Variants in GLT8D1 observed in about 807,000 individuals in gnomAD.
The protein encoded by GLT8D1 is glycosyltransferase 8 domain containing 1.
A neutral mutation model predicts 46.2 loss-of-function variants in GLT8D1; 41 were observed. The observed-to-expected ratio is 0.89, with a 90% CI of 0.69 to 1.15. The LOEUF (loss-of-function observed/expected upper bound fraction) is 1.15, where lower values mean the gene tolerates loss of function less well. GLT8D1 is among the 50% of genes most tolerant of loss of function. GLT8D1 has a pLI of 0.00. For synonymous variants in GLT8D1, 150 were observed against 154.2 expected, an observed-to-expected ratio of 0.97 and a Z score of 0.20; for missense variants, 408 against 449.3, an observed-to-expected ratio of 0.91 and a Z score of 0.83.
chr3:52,696,820 G>A (rs2097334194), intron 4 of GLT8D1, among the ~76,000 whole-genome samples, 161 bp from the exon 5 acceptor site: 1 of 129,490 alleles, frequency 7.7e-6, no homozygotes, highest in African/African-American at 3.0e-5. Context: ...TCCCACCAAA[G>A]TCCCTCCCTG....
intron 8 of GLT8D1, 48 bp downstream of exon 8, chr3:52,695,373 G>T (rs1333373708): frequency 6.3e-7 from 1 of 1,586,806 alleles, no homozygotes; most frequent in East Asian, 2.2e-5. Flanking sequence ...AAGACTCTAG[G>T]AATTGAAATA....
intron 1 of GLT8D1, 165 bp from the exon 2 acceptor site, chr3:52,700,661 G>A (rs1002542265): frequency 8.7e-6 from 4 of 458,938 alleles, no homozygotes; most frequent in East Asian, 3.1e-5. Flanking sequence ...ACCCAATTTG[G>A]GATCTGAAAT....
intron 5 of GLT8D1, 68 bp from the exon 6 acceptor site, chr3:52,696,386 C>G (rs1417464087): frequency 8.4e-7 from 1 of 1,185,264 alleles, no homozygotes. Context: ...ACAGAAACTC[C>G]TAGGATGCTT....
At chr3:52,696,100 CCCA>C in intron 6 of GLT8D1, 60 bp from the exon 7 acceptor site, 1 of 1,190,764 alleles carries the variant, frequency 8.4e-7, no homozygotes, top group Admixed American at 1.7e-5. Flanking sequence ...CCCTGTTACT[CCCA>C]CTTCTCCCTA....
At chr3:52,702,690 ACCATCCCCCAACC>A (rs2097340324) in intron 1 of GLT8D1, among the ~76,000 whole-genome samples, 2 of 152,108 alleles carry the variant, frequency 1.3e-5, no homozygotes, top group East Asian at 3.9e-4. Flanking sequence ...ACATAGTATG[ACCATCCCCCAACC>A]CCATATCTAA....
chr3:52,701,608 C>T (rs2097339476), intron 1 of GLT8D1, among the ~76,000 whole-genome samples: 1 of 152,156 alleles, frequency 6.6e-6, no homozygotes, highest in Admixed American at 6.6e-5. Context: ...ACTTCGTGAT[C>T]TGCCCACCTC....
chr3:52,695,974 C>G lies in GLT8D1; in HGVS notation c.599G>C (p.Cys200Ser). ...GACAACTTTAGTAGAGGCTGAATCA[C>G]AATCTTCTGAAAATGCAGCTGCATG... Reference protein sequence around the residue: ...PGHAAAFSEDCDSASTKVVIR... With the variant: ...PGHAAAFSEDSDSASTKVVIR... Residue 200 changes from cysteine (C) to serine (S), a missense_variant, in exon 7 of 10, where the codon TGT (cysteine) becomes TCT (serine). Cys to Ser is a moderately radical substitution (Grantham distance 112, BLOSUM62 -1). Transcript: ENST00000266014. 6.2e-7 allele frequency: 1 copy of G among 1,613,138 alleles called. No homozygotes were observed. The highest frequency in any genetic ancestry group is 8.5e-7 in the Non-Finnish European group (1 of 1,179,086).
chr3:52,695,819 G>T, intron 7 of GLT8D1, 109 bp downstream of exon 7: 1 of 698,466 alleles, frequency 1.4e-6, no homozygotes, highest in Non-Finnish European at 2.5e-6. Flanking sequence ...TTGAGTTTTG[G>T]GATGAAATGA....
At position 52,705,690 on chromosome 3, in the gene GLT8D1, C is replaced by G. The variant is rs1250809413; in HGVS notation, c.-280G>C. On this transcript the variant is annotated 5_prime_UTR_variant, in exon 1 of 10. Transcript: ENST00000266014. The stretch of plus-strand genomic sequence containing the variant: ...CGCCCGCGTTCCCTGCACGCTGGGC[C>G]GAGCACACTTGCCCTCTAGCTCCGT... 8.0e-6 allele frequency: 3 copies of G among 374,100 alleles called. No individual in the cohort carries two copies. Among genetic ancestry groups the G allele is most frequent in the Non-Finnish European group, 1.2e-5 (3 of 250,318 alleles). The allele number at this position is 374,100 out of a possible 1,614,324, so 23.2% of individuals were successfully genotyped here.
Position 52,695,244 on chromosome 3 carries a change from C to T in GLT8D1, c.871G>A (p.Val291Ile), listed in dbSNP as rs1391762573. The change falls in exon 9 of 10, where the codon GTA becomes ATA. Residue 291 changes from valine to isoleucine, a missense_variant. By Grantham distance (29) the Val-to-Ile change is conservative. Transcript: ENST00000266014. ...ATGGTAGAGTGCTGTTGATAAAATACGATAAGCAGAGGAGGTGTTGTGATG... is the reference window on the plus strand; with the variant it reads ...ATGGTAGAGTGCTGTTGATAAAATATGATAAGCAGAGGAGGTGTTGTGATG... Reference protein sequence around the residue: ...GSITTPPLLIVFYQQHSTIDP... With the variant: ...GSITTPPLLIIFYQQHSTIDP... 4 of 1,613,710 alleles carry T rather than the reference C, an allele frequency of 2.5e-6. No homozygotes were observed. Among genetic ancestry groups the T allele is most frequent in the African/African-American group, 1.3e-5 (1 of 74,844 alleles).
chr3:52,696,056 T>C lies in GLT8D1; in HGVS notation c.533-16A>G, dbSNP rs760439503. On this transcript the variant is annotated splice_polypyrimidine_tract_variant and intron_variant, in intron 6 of 9. Coordinates refer to ENST00000266014, the MANE Select transcript of GLT8D1 (RefSeq NM_018446.4). ...AGAATATCACCTGAAATAGACAAGA[T>C]GTTAAGATTTACATTTCCGTTGCCT... The C allele has an allele frequency of 9.3e-6, 14 of 1,499,168 alleles. No homozygotes were observed. The highest frequency in any genetic ancestry group is 1.4e-5 in the African/African-American group (1 of 72,650). 92.9% of individuals were successfully genotyped at this position (1,499,168 alleles called of 1,614,324 possible).
intron 1 of GLT8D1, among the ~76,000 whole-genome samples, chr3:52,701,038 C>A (rs2097338908): frequency 1.3e-5 from 2 of 152,136 alleles, no homozygotes; most frequent in Admixed American, 6.5e-5. Flanking sequence ...GCACTCCAGC[C>A]TGGGCGACAG....
In GLT8D1 at chr3:52,695,803, G is replaced by A. The variant is rs2097332710; in HGVS notation, c.645+125C>T. On this transcript the variant is annotated intron_variant, in intron 7 of 9. Transcript: ENST00000266014. ...AGTCCATGAAGAAGTCTACAGAAAA[G>A]CAGGCTTGAGTTTTGGGATGAAATG... 6.1e-5 allele frequency: 41 copies of A among 668,786 alleles called. No individual in the cohort carries two copies. In the South Asian group the frequency reaches 7.6e-4, roughly 12 times the overall value. 41.4% of individuals were successfully genotyped at this position (668,786 alleles called of 1,614,324 possible).
chr3:52,702,498 T>G (rs909464971), intron 1 of GLT8D1, among the ~76,000 whole-genome samples: 1 of 152,032 alleles, frequency 6.6e-6, no homozygotes, highest in Non-Finnish European at 1.5e-5. Context: ...GTAAGCCATA[T>G]TCATGCCACT....
intron 4 of GLT8D1, 107 bp downstream of exon 4, chr3:52,697,611 ATTT>A: frequency 3.8e-6 from 3 of 786,506 alleles, no homozygotes; most frequent in Non-Finnish European, 6.7e-6. Flanking sequence ...CACTGGTACA[ATTT>A]CAATTGTATA....
In GLT8D1 at chr3:52,696,343, A is replaced by C. The variant is rs774740457; in HGVS notation, c.448-25T>G. 5.5e-6 allele frequency: 8 copies of C among 1,465,248 alleles called. No homozygotes were observed. The African/African-American group carries it at 1.1e-4, about 20-fold the overall frequency. The allele number at this position is 1,465,248 out of a possible 1,614,324, so 90.8% of individuals were successfully genotyped here. A position where few individuals can be genotyped will look rare whatever the true frequency, so the allele number is the denominator to read the frequency against. On this transcript the variant is annotated intron_variant, in intron 5 of 9. Coordinates refer to ENST00000266014, the MANE Select transcript of GLT8D1 (RefSeq NM_018446.4). ...ACTGGAAAAGGAAAGAATAATTGGC[A>C]TAGGATACCGCACTAGCTGTGCTTT...
chr3:52,705,127 C>T (rs2154101078), intron 1 of GLT8D1: 1 of 152,452 alleles, frequency 6.6e-6, no homozygotes, highest in Admixed American at 6.5e-5. Context: ...AACGGTTTCT[C>T]TCCAAAACGT....
chr3:52,703,969 T>C (rs944253126), intron 1 of GLT8D1: 1 of 152,198 alleles, frequency 6.6e-6, no homozygotes. Context: ...TATATAATTG[T>C]GTACAATTTG....
At position 52,697,549 on chromosome 3, in the gene GLT8D1, G is replaced by A. The variant is rs73839132; in HGVS notation, c.329+172C>T. 2.4e-4 allele frequency: 147 copies of A among 608,640 alleles called. 1 individual carries two copies. The Middle Eastern group carries it at 3.5e-3, about 15-fold the overall frequency. The allele number at this position is 608,640 out of a possible 1,614,324, so 37.7% of individuals were successfully genotyped here. A position where few individuals can be genotyped will look rare whatever the true frequency, so the allele number is the denominator to read the frequency against. ...CCTTGTATCACTTCTCCTATTATGG[G>A]GATATGCTCATAATACAGTCCTAAA... On this transcript the variant is annotated intron_variant, in intron 4 of 9. Transcript: ENST00000266014.
Sources: gnomAD v4.1 joint callset for allele counts (sites outside exome capture counted in the v4.1 genomes callset) on GRCh38, gnomAD v4.1.1 for gene constraint, MANE v1.5 for transcripts, NCBI Gene and HGNC (gene_info 2026-07-23, HGNC 2026-07-21) for gene names.